Variants in FBXO11 observed in about 807,000 individuals in gnomAD.
The protein encoded by FBXO11 is F-box only protein 11.
In FBXO11, 13 loss-of-function variants were observed where a neutral mutation model predicts 117.0. The ratio of observed to expected loss-of-function variants is 0.11; its 90% CI spans 0.07 to 0.18. The LOEUF is 0.18. Among genes scored for constraint, FBXO11 ranks in the 10% least tolerant of loss-of-function variants. The pLI is 1.00. For synonymous variants in FBXO11, 490 were observed against 380.5 expected, an observed-to-expected ratio of 1.29 and a Z score of -3.35; for missense variants, 767 against 1,164.4, an observed-to-expected ratio of 0.66 and a Z score of 4.97.
At chr2:47,821,605 G>A (rs1419661208) in intron 13 of FBXO11, among the ~76,000 whole-genome samples, 23 of 149,084 alleles carry the variant, frequency 1.5e-4, no homozygotes, top group Admixed American at 1.1e-3. Flanking sequence ...GAGAGACTCC[G>A]TCTCAAAAGA....
chr2:47,866,921 A>G (rs1034633223), intron 1 of FBXO11, among the ~76,000 whole-genome samples: 2 of 152,102 alleles, frequency 1.3e-5, no homozygotes, highest in Non-Finnish European at 2.9e-5. Flanking sequence ...CACTGTTCTG[A>G]CTCTGCAAAA....
chr2:47,837,590 A>G (rs552937935), intron 4 of FBXO11, among the ~76,000 whole-genome samples: 1 of 152,350 alleles, frequency 6.6e-6, no homozygotes, highest in East Asian at 1.9e-4. Context: ...AGTAATACAT[A>G]TAACCGTTGT....
intron 1 of FBXO11, among the ~76,000 whole-genome samples, chr2:47,873,890 A>G (rs1346401988): frequency 6.6e-6 from 1 of 152,100 alleles, no homozygotes; most frequent in Non-Finnish European, 1.5e-5. Flanking sequence ...GAGTATAACT[A>G]TTGTAAGGGC....
chr2:47,882,750 C>A (rs1676526755), intron 1 of FBXO11, among the ~76,000 whole-genome samples: 1 of 152,180 alleles, frequency 6.6e-6, no homozygotes, highest in Non-Finnish European at 1.5e-5. Flanking sequence ...CTGCTTGGCT[C>A]AAGCCATCTT....
chr2:47,852,853 G>A (rs1031139436), intron 1 of FBXO11, among the ~76,000 whole-genome samples: 1 of 152,108 alleles, frequency 6.6e-6, no homozygotes, highest in Non-Finnish European at 1.5e-5. Context: ...GAGGAAACCA[G>A]GCAAAGAGAG....
chr2:47,807,290 A>ACAT lies in FBXO11; in HGVS notation c.*825_*827dup, dbSNP rs917036068. ...AGAGACTTTCTAAAGTGTACTTAAA[A>ACAT]CATAGTAGTTTTTTACCTTTCACAA... On this transcript the variant is annotated 3_prime_UTR_variant, in exon 23 of 23. Transcript: ENST00000403359. The ACAT allele has an allele frequency of 6.9e-5, 15 of 218,936 alleles. No individual in the cohort carries two copies. Among genetic ancestry groups the ACAT allele is most frequent in the African/African-American group, 3.2e-4 (14 of 44,300 alleles). 13.6% of individuals were successfully genotyped at this position (218,936 alleles called of 1,614,324 possible).
intron 1 of FBXO11, among the ~76,000 whole-genome samples, chr2:47,856,486 G>T (rs1674302883): frequency 6.6e-6 from 1 of 152,172 alleles, no homozygotes; most frequent in African/African-American, 2.4e-5. Context: ...CTCTGGGAAT[G>T]AAATGTCCTT....
intron 11 of FBXO11, among the ~76,000 whole-genome samples, chr2:47,826,497 T>C (rs1333963921): frequency 1.3e-5 from 2 of 152,222 alleles, no homozygotes; most frequent in Non-Finnish European, 1.5e-5. Flanking sequence ...GTCTTCACTT[T>C]CCAGTTTTAG....
At chr2:47,826,331 AC>A (rs1322584886) in intron 11 of FBXO11, among the ~76,000 whole-genome samples, 4 of 152,166 alleles carry the variant, frequency 2.6e-5, no homozygotes, top group Non-Finnish European at 5.9e-5. Flanking sequence ...TGCTGGGATT[AC>A]AGGTGTGAGC....
At chr2:47,894,148 A>T (rs142464456) in intron 1 of FBXO11, among the ~76,000 whole-genome samples, 1 of 152,332 alleles carries the variant, frequency 6.6e-6, no homozygotes, top group African/African-American at 2.4e-5. Context: ...CTTTAGTACA[A>T]GCTTTCACTT....
At chr2:47,851,318 C>G (rs1300156361) in intron 1 of FBXO11, among the ~76,000 whole-genome samples, 2 of 150,778 alleles carry the variant, frequency 1.3e-5, no homozygotes, top group South Asian at 2.1e-4. Context: ...CCTCTGCCTG[C>G]CAGGTTCAAG....
At chr2:47,879,103 T>C (rs1399728919) in intron 1 of FBXO11, among the ~76,000 whole-genome samples, 1 of 152,170 alleles carries the variant, frequency 6.6e-6, no homozygotes, top group East Asian at 1.9e-4. Context: ...AATATGAATA[T>C]AAATTATGCA....
At chr2:47,904,612 AC>A (rs1572940840) in intron 1 of FBXO11, among the ~76,000 whole-genome samples, 4 of 137,192 alleles carry the variant, frequency 2.9e-5, no homozygotes, top group African/African-American at 1.1e-4. Context: ...ACACACACAC[AC>A]ACACACACAA....
chr2:47,905,893 A>G lies in FBXO11; in HGVS notation c.-173T>C, dbSNP rs1678778303. 4.2e-6 allele frequency: 3 copies of G among 719,264 alleles called. No homozygotes were observed. Among genetic ancestry groups the G allele is most frequent in the South Asian group, 2.2e-5 (1 of 45,488 alleles). The allele number at this position is 719,264 out of a possible 1,614,324, so 44.6% of individuals were successfully genotyped here. Reference sequence around the variant, plus strand: ...GGGGCGAGCGGGACCCCGAGTCCGGAGAAAGGCCCGGGTAGACAGACGGAG... The same window carrying G: ...GGGGCGAGCGGGACCCCGAGTCCGGGGAAAGGCCCGGGTAGACAGACGGAG... On this transcript the variant is annotated 5_prime_UTR_variant, in exon 1 of 23. Transcript: ENST00000403359.
intron 1 of FBXO11, among the ~76,000 whole-genome samples, chr2:47,850,637 A>T (rs1020516620): frequency 8.5e-5 from 13 of 152,350 alleles, no homozygotes; most frequent in South Asian, 6.2e-4. Context: ...AAATGAATTT[A>T]AAAAATAAGT....
intron 1 of FBXO11, among the ~76,000 whole-genome samples, chr2:47,874,777 C>G (rs745993385): frequency 6.6e-6 from 1 of 152,064 alleles, no homozygotes; most frequent in African/African-American, 2.4e-5. Flanking sequence ...TCAAGCGATC[C>G]ACCCGCCTCA....
At chr2:47,820,250 C>A (rs1558411177) in intron 14 of FBXO11, 112 bp downstream of exon 14, 1 of 618,500 alleles carries the variant, frequency 1.6e-6, no homozygotes. Context: ...AAGACAGTCA[C>A]AAATTCATAC....
chr2:47,823,430 C>T (rs1671522393), intron 11 of FBXO11, 70 bp from the exon 12 acceptor site: 3 of 1,082,660 alleles, frequency 2.8e-6, no homozygotes, highest in Non-Finnish European at 3.9e-6. Flanking sequence ...ATTTAAAAAA[C>T]ATTTCAATGC....
At chr2:47,822,101 A>T (rs1172763329) in intron 13 of FBXO11, 117 bp downstream of exon 13, 1 of 716,224 alleles carries the variant, frequency 1.4e-6, no homozygotes, top group Non-Finnish European at 2.3e-6. Flanking sequence ...AAAAGAAAAA[A>T]ATTAAAGAGC....
Sources: allele counts gnomAD v4.1 joint callset (sites outside exome capture counted in the v4.1 genomes callset), GRCh38; gene constraint gnomAD v4.1.1; transcripts MANE v1.5; gene names NCBI Gene and HGNC (gene_info 2026-07-23, HGNC 2026-07-21).